Variants in CDH13 observed in about 807,000 individuals in gnomAD.
CDH13 encodes the protein cadherin 13.
CDH13 carries 24 observed loss-of-function variants against 63.8 expected under a neutral mutation model. That is an observed-to-expected ratio of 0.38 (90% CI 0.27 to 0.53). The LOEUF is 0.53. CDH13 is among the 20% of genes least tolerant of loss of function. CDH13 has a pLI of 0.85. For missense variants in CDH13, 1,049 were observed against 903.1 expected, an observed-to-expected ratio of 1.16 and a Z score of -2.07; for synonymous variants, 503 against 355.3, an observed-to-expected ratio of 1.42 and a Z score of -4.67.
chr16:83,175,211 T>C (rs150447727), intron 4 of CDH13, among the ~76,000 whole-genome samples: 74 of 152,192 alleles, frequency 4.9e-4, no homozygotes, highest in African/African-American at 1.7e-3. Context: ...GGATAACACA[T>C]AAGATATTGG....
intron 6 of CDH13, among the ~76,000 whole-genome samples, chr16:83,440,067 C>T (rs2072437894): frequency 1.3e-5 from 2 of 152,062 alleles, no homozygotes; most frequent in African/African-American, 4.8e-5. Context: ...TTTTAAATGA[C>T]ATCTGAAAAG....
At chr16:83,243,333 G>A (rs1904662804) in intron 5 of CDH13, among the ~76,000 whole-genome samples, 1 of 152,178 alleles carries the variant, frequency 6.6e-6, no homozygotes, top group African/African-American at 2.4e-5. Context: ...AAGGTGAGAG[G>A]CACATCTTAC....
chr16:83,044,423 T>G (rs1917595102), intron 3 of CDH13, among the ~76,000 whole-genome samples: 1 of 152,190 alleles, frequency 6.6e-6, no homozygotes, highest in Non-Finnish European at 1.5e-5. Context: ...TAAAGAAATT[T>G]TAGGAAGGTG....
At chr16:83,520,490 C>T (rs1388242882) in intron 7 of CDH13, among the ~76,000 whole-genome samples, 1 of 152,102 alleles carries the variant, frequency 6.6e-6, no homozygotes, top group East Asian at 1.9e-4. Context: ...GGAGCAAACA[C>T]AGCTTGGGCT....
intron 7 of CDH13, among the ~76,000 whole-genome samples, chr16:83,547,885 G>A (rs1683478720): frequency 3.9e-5 from 6 of 152,102 alleles, no homozygotes; most frequent in Admixed American, 3.9e-4. Context: ...AGCTATCCTG[G>A]GGCATCAGGA....
At position 83,021,774 on chromosome 16, in the gene CDH13, C is replaced by T. The variant is rs141725895; in HGVS notation, c.158-10236C>T. Among the ~76,000 whole-genome samples the T allele has an allele frequency of 1.1e-3, 162 of 152,324 alleles. 1 individual carries two copies. Among genetic ancestry groups the T allele is most frequent in the Non-Finnish European group, 1.9e-3 (126 of 68,036 alleles). On this transcript the variant is annotated intron_variant, in intron 2 of 13. Coordinates refer to ENST00000567109, the MANE Select transcript of CDH13 (RefSeq NM_001257.5). ...TCACTCCTGGGTCAACCAGTCATGG[C>T]TAGAATACTCCCAGAACCTTATAGA...
chr16:83,109,022 T>G (rs2151617554), intron 3 of CDH13, among the ~76,000 whole-genome samples: 1 of 151,062 alleles, frequency 6.6e-6, no homozygotes, highest in Middle Eastern at 3.4e-3. Context: ...ACCAATAAAG[T>G]ACTTGCTGTT....
chr16:83,030,344 T>G (rs1045987012), intron 2 of CDH13, among the ~76,000 whole-genome samples: 1 of 152,148 alleles, frequency 6.6e-6, no homozygotes, highest in Non-Finnish European at 1.5e-5. Flanking sequence ...ATCATTGTAT[T>G]GGGTCCTCTG....
At chr16:83,788,513 T>C (rs1597235352) in intron 13 of CDH13, among the ~76,000 whole-genome samples, 1 of 152,230 alleles carries the variant, frequency 6.6e-6, no homozygotes, top group African/African-American at 2.4e-5. Flanking sequence ...ATTTTTTTCT[T>C]ACCAACAAGG....
intron 7 of CDH13, among the ~76,000 whole-genome samples, chr16:83,490,234 A>C (rs2073983065): frequency 6.6e-6 from 1 of 152,066 alleles, no homozygotes; most frequent in Non-Finnish European, 1.5e-5. Flanking sequence ...ACCAAGGAGG[A>C]CCCCAGCAGG....
At chr16:83,074,740 A>G (rs993343275) in intron 3 of CDH13, among the ~76,000 whole-genome samples, 1 of 152,168 alleles carries the variant, frequency 6.6e-6, no homozygotes, top group Non-Finnish European at 1.5e-5. Context: ...CACAGTCCTC[A>G]CTGGTGCTAT....
At chr16:83,142,101 A>C (rs1486394784) in intron 4 of CDH13, among the ~76,000 whole-genome samples, 1 of 151,392 alleles carries the variant, frequency 6.6e-6, no homozygotes, top group Non-Finnish European at 1.5e-5. Context: ...CTATCTGGTG[A>C]GCATAAGTTC....
chr16:83,449,807 A>G (rs1054100036), intron 6 of CDH13, among the ~76,000 whole-genome samples: 1 of 152,128 alleles, frequency 6.6e-6, no homozygotes, highest in Non-Finnish European at 1.5e-5. Context: ...GCTGGGACGT[A>G]CTCTGCTGGT....
intron 2 of CDH13, among the ~76,000 whole-genome samples, chr16:82,973,659 C>T (rs755415755): frequency 3.9e-5 from 6 of 152,220 alleles, no homozygotes; most frequent in South Asian, 2.1e-4. Context: ...CTGGAGGCTG[C>T]AGCGGGTCAA....
At chr16:83,591,098 A>T (rs960049766) in intron 7 of CDH13, among the ~76,000 whole-genome samples, 2 of 151,714 alleles carry the variant, frequency 1.3e-5, no homozygotes. Flanking sequence ...TTTAGTAGAG[A>T]TGGGGGTTCA....
At chr16:83,134,542 G>A (rs2036192440) in intron 4 of CDH13, among the ~76,000 whole-genome samples, 2 of 117,600 alleles carry the variant, frequency 1.7e-5, no homozygotes, top group East Asian at 5.4e-4. Context: ...GATGGGGTGG[G>A]GGGAGAGAGA....
At chr16:83,622,339 T>C (rs1909890677) in intron 8 of CDH13, among the ~76,000 whole-genome samples, 1 of 151,194 alleles carries the variant, frequency 6.6e-6, no homozygotes, top group Admixed American at 6.6e-5. Context: ...TCCCCTGAGC[T>C]TCTACACACT....
At chr16:82,761,003 A>G (rs1445746045) in intron 1 of CDH13, among the ~76,000 whole-genome samples, 1 of 92,124 alleles carries the variant, frequency 1.1e-5, no homozygotes, top group Non-Finnish European at 2.4e-5. Flanking sequence ...TCTGGGGTTC[A>G]CATTTCTTTC....
chr16:83,660,985 A>G (rs968000833), intron 8 of CDH13, among the ~76,000 whole-genome samples: 1 of 151,734 alleles, frequency 6.6e-6, no homozygotes, highest in Non-Finnish European at 1.5e-5. Context: ...TCACCATCTA[A>G]TGTAATATTT....
Sources: allele counts gnomAD v4.1 joint callset (sites outside exome capture counted in the v4.1 genomes callset), GRCh38; gene constraint gnomAD v4.1.1; transcripts MANE v1.5; gene names NCBI Gene and HGNC (gene_info 2026-07-23, HGNC 2026-07-21).